The following DNAJC7 variants were observed in gnomAD, a reference collection of about 807,000 sequenced individuals.
DNAJC7 encodes the protein DnaJ heat shock protein family (Hsp40) member C7.
DNAJC7 carries 18 observed loss-of-function variants against 67.4 expected under a neutral mutation model. The observed-to-expected ratio is 0.27, with a 90% confidence interval of 0.18 to 0.40. DNAJC7 has a LOEUF of 0.40. Ranked by LOEUF, DNAJC7 falls within the 10% of genes least tolerant of loss-of-function variation. The pLI is 1.00. For missense variants in DNAJC7, 419 were observed against 613.8 expected (o/e 0.68, Z 3.35); for synonymous variants, 220 against 207.8 (o/e 1.06, Z -0.50).
intron 9 of DNAJC7, chr17:41,984,712 T>C (rs2051333675): frequency 6.6e-6 from 1 of 152,064 alleles, no homozygotes; most frequent in African/African-American, 2.4e-5. Context: ...AAGACTGTGG[T>C]AGGAGTTCCA....
intron 2 of DNAJC7, among the ~76,000 whole-genome samples, chr17:42,000,224 T>C (rs1168945016): frequency 2.0e-5 from 3 of 150,058 alleles, no homozygotes; most frequent in Non-Finnish European, 3.0e-5. Flanking sequence ...GTTCAGGCAA[T>C]TCTCCTGCCT....
intron 1 of DNAJC7, chr17:42,014,649 T>C (rs1555651584): frequency 6.6e-6 from 1 of 151,524 alleles, no homozygotes; most frequent in Non-Finnish European, 1.5e-5. Context: ...TGGAGTGCAA[T>C]GGCATGATCT....
intron 13 of DNAJC7, 180 bp from the exon 14 acceptor site, chr17:41,976,950 C>T: frequency 2.8e-6 from 2 of 710,822 alleles, no homozygotes; most frequent in South Asian, 2.0e-5. Context: ...CTGTATTATA[C>T]ATGGGTAGCT....
intron 1 of DNAJC7, chr17:42,011,383 C>T (rs1555651035): frequency 1.3e-5 from 2 of 152,224 alleles, no homozygotes; most frequent in Admixed American, 6.5e-5. Flanking sequence ...CTGCCACTCA[C>T]TTGGCCCTAT....
Position 41,983,549 on chromosome 17 carries a change from G to T in DNAJC7, c.1084+14C>A, listed in dbSNP as rs2051302782. The T allele has an allele frequency of 6.4e-7, 1 of 1,571,496 alleles. No homozygotes were observed. Among genetic ancestry groups the T allele is most frequent in the Admixed American group, 1.9e-5 (1 of 52,608 alleles). ...CCACACAGTTCCCTAAAAAACAAAT[G>T]CTTTTAAACTTACCTTTTGTTTTCT... On this transcript the variant is annotated intron_variant, in intron 10 of 13. Coordinates refer to ENST00000457167, the MANE Select transcript of DNAJC7 (RefSeq NM_003315.4).
chr17:42,017,195 C>T, intron 1 of DNAJC7, 145 bp downstream of exon 1: 1 of 1,576,106 alleles, frequency 6.3e-7, no homozygotes, highest in South Asian at 1.1e-5. Flanking sequence ...TCAGGGGGTC[C>T]ATCCGGCCTT....
chr17:42,003,780 C>T (rs4796756), intron 1 of DNAJC7, among the ~76,000 whole-genome samples: 118,083 of 151,696 alleles, frequency 0.78, 46,647 homozygotes, highest in Admixed American at 0.86. Context: ...CTAAATTAAA[C>T]TACAGATTAT....
intron 9 of DNAJC7, among the ~76,000 whole-genome samples, chr17:41,986,313 C>A (rs190496667): frequency 6.6e-6 from 1 of 152,014 alleles, no homozygotes; most frequent in East Asian, 1.9e-4. Flanking sequence ...TTGCAGTGAG[C>A]CAGTACGGTG....
intron 9 of DNAJC7, among the ~76,000 whole-genome samples, chr17:41,986,377 C>T (rs113783515): frequency 1.5e-4 from 23 of 152,034 alleles, no homozygotes; most frequent in Middle Eastern, 3.4e-3. Flanking sequence ...AGCGACATAG[C>T]GAGACTCCAT....
In DNAJC7 at chr17:41,987,847, TGTAA is replaced by T; in HGVS notation, c.978_981del (p.Tyr327Ter). ...TGAGCTCTTCTCAAGTAGGCTTTTA[TGTAA>T]GTGTCATCAAGCTTCACTGCATTTG... On this transcript the variant is annotated frameshift_variant, in exon 9 of 14. Coordinates refer to ENST00000457167, the MANE Select transcript of DNAJC7 (RefSeq NM_003315.4). LOFTEE classifies it high-confidence loss of function. 1 of 1,611,640 alleles carries T rather than the reference TGTAA, an allele frequency of 6.2e-7. No individual in the cohort carries two copies. Among genetic ancestry groups the T allele is most frequent in the Non-Finnish European group, 8.5e-7 (1 of 1,179,006 alleles).
intron 1 of DNAJC7, among the ~76,000 whole-genome samples, chr17:42,005,567 G>A (rs368922661): frequency 3.9e-5 from 6 of 152,106 alleles, no homozygotes; most frequent in African/African-American, 1.2e-4. Flanking sequence ...GACATATCAC[G>A]TATTTGCAGA....
intron 1 of DNAJC7, chr17:42,015,797 T>C (rs1451835167): frequency 6.6e-6 from 1 of 152,030 alleles, no homozygotes; most frequent in Non-Finnish European, 1.5e-5. Flanking sequence ...GAGCTTGCAG[T>C]GAGCTGAGGT....
intron 1 of DNAJC7, among the ~76,000 whole-genome samples, chr17:42,008,614 G>A (rs2052035808): frequency 6.6e-6 from 1 of 152,058 alleles, no homozygotes; most frequent in Non-Finnish European, 1.5e-5. Context: ...GTTTCACCGT[G>A]TTAGCCAGGA....
chr17:42,017,102 T>G, intron 1 of DNAJC7: 1 of 1,430,836 alleles, frequency 7.0e-7, no homozygotes, highest in East Asian at 2.6e-5. Context: ...ACGATCGTCC[T>G]CTCAGCTGGA....
chr17:41,982,863 G>A (rs2051285518), intron 10 of DNAJC7, among the ~76,000 whole-genome samples: 1 of 151,878 alleles, frequency 6.6e-6, no homozygotes. Context: ...GGGAGGCTGA[G>A]GCAGGATAAT....
At chr17:42,006,104 T>G (rs2051945421) in intron 1 of DNAJC7, among the ~76,000 whole-genome samples, 1 of 151,874 alleles carries the variant, frequency 6.6e-6, no homozygotes, top group Non-Finnish European at 1.5e-5. Flanking sequence ...CAACCACGCC[T>G]GGCTGATTTT....
At position 41,997,057 on chromosome 17, in the gene DNAJC7, T is replaced by TAG. The variant is rs2051680187; in HGVS notation, c.291+56_291+57dup. 26 of 1,610,478 alleles carry TAG rather than the reference T, an allele frequency of 1.6e-5. No homozygotes were observed. In the South Asian group the frequency reaches 2.4e-4, roughly 15 times the overall value. Reference sequence around the variant, plus strand: ...GTGTCAAGGTTGAGAAATACGGGGCTAGAGAAACTCAACTGTAGCAACCCA... The same window carrying TAG: ...GTGTCAAGGTTGAGAAATACGGGGCTAGAGAGAAACTCAACTGTAGCAACCCA... On this transcript the variant is annotated intron_variant, in intron 3 of 13. Transcript: ENST00000457167.
intron 9 of DNAJC7, among the ~76,000 whole-genome samples, chr17:41,987,102 G>A (rs1430805367): frequency 1.3e-5 from 2 of 152,146 alleles, no homozygotes; most frequent in Non-Finnish European, 2.9e-5. Context: ...TCCTAGCCCT[G>A]TTCCTATCTG....
rs1555649361 is a variant in DNAJC7, at chr17:42,000,534, G to C, written c.114C>G (p.Tyr38Ter). The C allele has an allele frequency of 6.2e-7, 1 of 1,612,132 alleles. No individual in the cohort carries two copies. The highest frequency in any genetic ancestry group is 2.2e-5 in the East Asian group (1 of 44,824). ...AETFKEQGNAYYAKKDYNEAY... is the reference protein window; with the variant it reads ...AETFKEQGNA ...CTTCATTGTAATCTTTCTTGGCATA[G>C]TATGCATTTCCTTGTTCCTTGAAAG... is the stretch of plus-strand genomic sequence containing the variant. Residue 38 changes from tyrosine (Y) to a stop codon, truncating the protein, a stop_gained, in exon 2 of 14, where the codon TAC (tyrosine) becomes TAG (stop). Coordinates refer to ENST00000457167, the MANE Select transcript of DNAJC7 (RefSeq NM_003315.4). LOFTEE classifies it high-confidence loss of function.
Sources: gnomAD v4.1 joint callset for allele counts (sites outside exome capture counted in the v4.1 genomes callset) on GRCh38, gnomAD v4.1.1 for gene constraint, MANE v1.5 for transcripts, NCBI Gene and HGNC (gene_info 2026-07-23, HGNC 2026-07-21) for gene names.